Variants in STMN1 observed in about 807,000 individuals in gnomAD.
The protein encoded by STMN1 is stathmin 1, also known as stathmin.
STMN1 carries 3 observed loss-of-function variants against 19.7 expected under a neutral mutation model. The observed-to-expected ratio is 0.15, with a 90% confidence interval of 0.07 to 0.39. The LOEUF (loss-of-function observed/expected upper bound fraction) is 0.39, where lower values mean the gene tolerates loss of function less well. STMN1 is among the 10% of genes least tolerant of loss of function. The pLI, the probability that STMN1 is intolerant of heterozygous loss-of-function variation, is 1.00. For synonymous variants in STMN1, 59 were observed against 58.9 expected, an observed-to-expected ratio of 1.00 and a Z score of -0.01; for missense variants, 99 against 176.0, an observed-to-expected ratio of 0.56 and a Z score of 2.48.
At chr1:25,889,867 C>G (rs1049500660) in intron 4 of STMN1, among the ~76,000 whole-genome samples, 2 of 152,220 alleles carry the variant, frequency 1.3e-5, no homozygotes, top group African/African-American at 4.8e-5. Context: ...CTCACTTAGG[C>G]TCCTTCCTCA....
chr1:25,897,138 C>T (rs1428240509), downstream of STMN1, among the ~76,000 whole-genome samples: 1 of 152,040 alleles, frequency 6.6e-6, no homozygotes, highest in Non-Finnish European at 1.5e-5. Context: ...CGTGGTGAAA[C>T]CCTGTCTCTA....
downstream of STMN1, among the ~76,000 whole-genome samples, chr1:25,897,837 A>T (rs981015164): frequency 6.6e-6 from 1 of 152,176 alleles, no homozygotes; most frequent in Non-Finnish European, 1.5e-5. Context: ...CCTGGACGTT[A>T]AGTGCTCAGT....
chr1:25,886,277 G>A (rs998300440), intron 4 of STMN1, among the ~76,000 whole-genome samples: 1 of 151,958 alleles, frequency 6.6e-6, no homozygotes, highest in African/African-American at 2.4e-5. Context: ...AGGAATGGAA[G>A]GAAAAAAAGA....
chr1:25,901,421 A>C, intron 4 of STMN1, 70 bp downstream of exon 4: 1 of 1,506,966 alleles, frequency 6.6e-7, no homozygotes, highest in East Asian at 2.3e-5. Flanking sequence ...TTATCAAAGC[A>C]CTTAGTTCAA....
At chr1:25,893,928 G>A (rs1406911795) in intron 4 of STMN1, among the ~76,000 whole-genome samples, 2 of 152,186 alleles carry the variant, frequency 1.3e-5, no homozygotes, top group African/African-American at 4.8e-5. Flanking sequence ...GGGTGGGGTA[G>A]CCTGGATTGG....
intron 1 of STMN1, 58 bp from the exon 2 acceptor site, chr1:25,904,796 A>G: frequency 7.1e-7 from 1 of 1,407,444 alleles, no homozygotes; most frequent in Non-Finnish European, 9.6e-7. Context: ...TATGTCATCA[A>G]CCCAAAAAAA....
intron 3 of STMN1, chr1:25,902,955 G>A (rs986375061): frequency 6.6e-6 from 1 of 152,198 alleles, no homozygotes; most frequent in Non-Finnish European, 1.5e-5. Context: ...GAAAAGTTAT[G>A]TACAGTTGTT....
downstream of STMN1, among the ~76,000 whole-genome samples, chr1:25,897,974 G>A (rs2048833734): frequency 6.6e-6 from 1 of 152,108 alleles, no homozygotes; most frequent in Admixed American, 6.5e-5. Flanking sequence ...AGCCCAGCAG[G>A]CCCTCCCACC....
intron 4 of STMN1, among the ~76,000 whole-genome samples, chr1:25,888,232 T>G (rs1311676728): frequency 6.6e-6 from 1 of 152,140 alleles, no homozygotes; most frequent in Non-Finnish European, 1.5e-5. Flanking sequence ...CTATTTTGAT[T>G]TGCTAACATC....
intron 4 of STMN1, among the ~76,000 whole-genome samples, chr1:25,892,274 A>G (rs1029777730): frequency 3.3e-5 from 5 of 151,928 alleles, no homozygotes; most frequent in African/African-American, 1.2e-4. Context: ...CTGCAATCCC[A>G]GCTACTTGGG....
At chr1:25,902,400 A>C (rs2048886356) in intron 3 of STMN1, 1 of 152,252 alleles carries the variant, frequency 6.6e-6, no homozygotes, top group East Asian at 1.9e-4. Context: ...CAATGATAGG[A>C]AATTCAAGAC....
chr1:25,900,076 T>A, downstream of STMN1: 1 of 985,610 alleles, frequency 1.0e-6, no homozygotes. Context: ...AAATGCTACT[T>A]TAGAAATAAT....
upstream of STMN1, chr1:25,906,556 G>A (rs1335511977): frequency 6.6e-6 from 1 of 152,534 alleles, no homozygotes; most frequent in East Asian, 1.9e-4. This position sits in a 1 kb window ranked among gnomAD's most constrained non-coding sequence, Gnocchi z 4.5. Context: ...CCGCCCCCCG[G>A]GACCCCGAAG....
chr1:25,902,303 T>G (rs1478438496), intron 3 of STMN1: 1 of 152,178 alleles, frequency 6.6e-6, no homozygotes, highest in Non-Finnish European at 1.5e-5. Context: ...AGTGGCACTT[T>G]TATTGTAAAG....
At chr1:25,896,378 C>A (rs1008519772), downstream of STMN1, among the ~76,000 whole-genome samples, 5 of 152,152 alleles carry the variant, frequency 3.3e-5, no homozygotes, top group African/African-American at 1.2e-4. Flanking sequence ...CCAGTGAATA[C>A]TGGGGCTTTC....
At chr1:25,896,119 C>T (rs974271612), downstream of STMN1, among the ~76,000 whole-genome samples, 10 of 152,302 alleles carry the variant, frequency 6.6e-5, no homozygotes, top group East Asian at 1.3e-3. Context: ...AGTTGCAGTA[C>T]AGCATGGGGG....
At chr1:25,906,775 G>C (rs900217412), upstream of STMN1, 1 of 152,694 alleles carries the variant, frequency 6.5e-6, no homozygotes, top group Non-Finnish European at 1.5e-5. The surrounding 1 kb of genome is among the most constrained non-coding windows in gnomAD (Gnocchi z 4.5). Flanking sequence ...AGGGCGGGGG[G>C]GTCCTTCCCT....
Position 25,903,816 on chromosome 1 carries a change from AGAATT to A in STMN1, c.14-8_14-4del, listed in dbSNP as rs1414239081. The A allele has an allele frequency of 6.3e-7, 1 of 1,591,322 alleles. No individual in the cohort carries two copies. The highest frequency in any genetic ancestry group is 8.5e-7 in the Non-Finnish European group (1 of 1,172,984). On this transcript the variant is annotated splice_region_variant and splice_polypyrimidine_tract_variant and intron_variant, in intron 2 of 4. Transcript: ENST00000455785. ...CTCCAGTTCTTTCACCTGGATATCT[AGAATT>A]GATTATATTTATAATTCAGAAAACC...
chr1:25,901,812 C>T, intron 3 of STMN1, 130 bp from the exon 4 acceptor site: 2 of 788,656 alleles, frequency 2.5e-6, no homozygotes, highest in Non-Finnish European at 3.8e-6. Flanking sequence ...GAGTTCAAGA[C>T]CAGCCTGGCC....
Sources: allele counts gnomAD v4.1 joint callset (sites outside exome capture counted in the v4.1 genomes callset), GRCh38; gene constraint gnomAD v4.1.1; non-coding constraint Gnocchi (gnomAD v3.1); transcripts MANE v1.5; gene names NCBI Gene and HGNC (gene_info 2026-07-23, HGNC 2026-07-21).